Variants in GLI3 observed in about 807,000 individuals in gnomAD.
The protein encoded by GLI3 is transcription activator GLI3.
A neutral mutation model predicts 100.8 loss-of-function variants in GLI3; 20 were observed. That is an observed-to-expected ratio of 0.20 (90% CI 0.14 to 0.29). The LOEUF is 0.29. GLI3 is among the 10% of genes least tolerant of loss of function. The probability of loss-of-function intolerance (pLI) is 1.00; values close to 1 mark genes in which losing one functional copy is unlikely to be tolerated. For missense variants in GLI3, 2,040 were observed against 2,128.5 expected (o/e 0.96, Z 0.82); for synonymous variants, 938 against 860.5 (o/e 1.09, Z -1.58).
chr7:42,220,953 T>A (rs1182997166), intron 2 of GLI3, among the ~76,000 whole-genome samples: 1 of 152,096 alleles, frequency 6.6e-6, no homozygotes, highest in Non-Finnish European at 1.5e-5. Flanking sequence ...GTTTGACCAA[T>A]CAATGTCGGT....
In GLI3 at chr7:42,085,534, A is replaced by G. The variant is rs532217962; in HGVS notation, c.368-8677T>C. On this transcript the variant is annotated intron_variant, in intron 3 of 14. Transcript: ENST00000395925. ...GACAATCCTGAGAACTAAGAAGGGA[A>G]AATTTTATTATCCACTCAAAAAAGC... is the stretch of plus-strand genomic sequence containing the variant. Among the ~76,000 whole-genome samples the G allele has an allele frequency of 2.4e-3, 359 of 152,316 alleles. 1 individual carries two copies. The highest frequency in any genetic ancestry group is 8.3e-3 in the African/African-American group (345 of 41,574).
At chr7:42,068,321 TCTGCTCTGGTCTGC>T (rs1198310381) in intron 4 of GLI3, among the ~76,000 whole-genome samples, 1 of 152,238 alleles carries the variant, frequency 6.6e-6, no homozygotes, top group Non-Finnish European at 1.5e-5. Flanking sequence ...CATGCCCATT[TCTGCTCTGGTCTGC>T]CTTTTGCAAA....
chr7:41,968,738 AAGAAAGAAAG>A (rs1302012043), intron 13 of GLI3, among the ~76,000 whole-genome samples: 5 of 120,118 alleles, frequency 4.2e-5, no homozygotes, highest in African/African-American at 2.3e-4. Context: ...GAAAGAAAGA[AAGAAAGAAAG>A]AAAGAAAGAA....
intron 4 of GLI3, among the ~76,000 whole-genome samples, chr7:42,061,590 G>A (rs1411526801): frequency 1.3e-5 from 2 of 152,162 alleles, no homozygotes; most frequent in Non-Finnish European, 2.9e-5. Flanking sequence ...GAGCCCTTTT[G>A]AAGTGGCAGG....
chr7:41,976,732 G>A (rs975450443), intron 12 of GLI3, among the ~76,000 whole-genome samples: 6 of 152,198 alleles, frequency 3.9e-5, no homozygotes, highest in African/African-American at 1.4e-4. Flanking sequence ...CACTCAAAAT[G>A]TGGGGAGTCC....
chr7:42,159,477 T>C (rs555126137), intron 2 of GLI3, among the ~76,000 whole-genome samples: 1 of 152,146 alleles, frequency 6.6e-6, no homozygotes, highest in Non-Finnish European at 1.5e-5. Flanking sequence ...CATTCTCCCT[T>C]CCCAACTAAA....
At chr7:42,223,546 A>G (rs1255256297) in intron 1 of GLI3, among the ~76,000 whole-genome samples, 1 of 152,130 alleles carries the variant, frequency 6.6e-6, no homozygotes, top group East Asian at 1.9e-4. Context: ...CCAAATCCCT[A>G]CTGAGCGTTT....
rs542673278 is a variant in GLI3, at chr7:42,070,686, G to T, written c.473+6066C>A. 2.0e-5 allele frequency among the ~76,000 whole-genome samples: 3 copies of T among 152,230 alleles called. No individual in the cohort carries two copies. In the East Asian group the frequency reaches 5.8e-4, roughly 29 times the overall value. ...CTATAGTAAGTATTCAAAAATGTCAGCTATGGTCATGATTATATACTTTTT... is the reference window on the plus strand; with the variant it reads ...CTATAGTAAGTATTCAAAAATGTCATCTATGGTCATGATTATATACTTTTT... On this transcript the variant is annotated intron_variant, in intron 4 of 14. Coordinates refer to ENST00000395925, the MANE Select transcript of GLI3 (RefSeq NM_000168.6).
chr7:42,095,765 C>T (rs1021193284), intron 3 of GLI3, among the ~76,000 whole-genome samples: 1 of 152,150 alleles, frequency 6.6e-6, no homozygotes, highest in Non-Finnish European at 1.5e-5. Context: ...CACAGCCAGG[C>T]TCCTGGTAGA....
intron 4 of GLI3, among the ~76,000 whole-genome samples, chr7:42,058,255 G>A (rs1425288996): frequency 1.3e-5 from 2 of 152,126 alleles, no homozygotes; most frequent in African/African-American, 4.8e-5. Context: ...TCAGGTGGGT[G>A]GAGAGTATGG....
At chr7:42,060,535 A>G (rs904318545) in intron 4 of GLI3, among the ~76,000 whole-genome samples, 3 of 152,178 alleles carry the variant, frequency 2.0e-5, no homozygotes, top group African/African-American at 7.2e-5. Context: ...TTTTGTCTTT[A>G]GAGATAGAGA....
chr7:42,150,543 G>A (rs1170468987), intron 2 of GLI3, among the ~76,000 whole-genome samples: 1 of 152,140 alleles, frequency 6.6e-6, no homozygotes, highest in Non-Finnish European at 1.5e-5. Context: ...ACTTAAATCT[G>A]AAATGAACTT....
At chr7:42,156,907 C>T (rs1381225908) in intron 2 of GLI3, among the ~76,000 whole-genome samples, 3 of 152,212 alleles carry the variant, frequency 2.0e-5, no homozygotes, top group Non-Finnish European at 4.4e-5. Context: ...TAATGGGCTG[C>T]ATCTGGTGTG....
chr7:42,202,319 G>GTC (rs35402770), intron 2 of GLI3, among the ~76,000 whole-genome samples: 1,331 of 124,614 alleles, frequency 0.011, 17 homozygotes, highest in African/African-American at 0.036. Flanking sequence ...CATAGAATCT[G>GTC]TCTCTCTCTC....
rs749520162 is a variant in GLI3 at position 42,040,197 on chromosome 7, C to T, written c.869G>A (p.Arg290Gln). The T allele has an allele frequency of 8.1e-6, 13 of 1,613,878 alleles. No individual in the cohort carries two copies. Among genetic ancestry groups the T allele is most frequent in the South Asian group, 4.4e-5 (4 of 91,078 alleles). The part of the protein sequence containing the change: ...SSPRLSARPS[R>Q]KRTLSISPLS... ...TGGTGATATGGACAGTGTACGTTTT[C>T]GGCTCGGCCTGGCTGACAGCCTGGG... is the stretch of plus-strand genomic sequence containing the variant. The change falls in exon 7 of 15, where the codon CGA becomes CAA. Residue 290 changes from arginine (R) to glutamine (Q), a missense_variant. Physicochemically the swap from Arg to Gln is conservative, Grantham distance 43. Coordinates refer to ENST00000395925, the MANE Select transcript of GLI3 (RefSeq NM_000168.6).
chr7:42,197,015 T>C (rs1329234497), intron 2 of GLI3, among the ~76,000 whole-genome samples: 2 of 152,200 alleles, frequency 1.3e-5, no homozygotes, highest in Non-Finnish European at 2.9e-5. Context: ...TTTTATCCTC[T>C]GGATTTTACA....
chr7:42,246,803 A>G (rs1334510646), intron 1 of GLI3, among the ~76,000 whole-genome samples: 2 of 63,380 alleles, frequency 3.2e-5, no homozygotes, highest in Non-Finnish European at 6.2e-5. Context: ...GGATGATAGA[A>G]TCTTTTTTTT....
chr7:42,135,167 T>C (rs1213743112), intron 3 of GLI3, among the ~76,000 whole-genome samples: 1 of 152,176 alleles, frequency 6.6e-6, no homozygotes, highest in African/African-American at 2.4e-5. Flanking sequence ...AATTATAAAA[T>C]CTAGAACGCT....
In GLI3 at chr7:42,118,736, C is replaced by T. The variant is rs76767818; in HGVS notation, c.367+29490G>A. Among the ~76,000 whole-genome samples the T allele has an allele frequency of 9.6e-4, 146 of 152,270 alleles. 1 individual carries two copies. The East Asian group carries it at 0.024, about 25-fold the overall frequency. On this transcript the variant is annotated intron_variant, in intron 3 of 14. Transcript: ENST00000395925. The stretch of plus-strand genomic sequence containing the variant: ...GGGGGCCCAGTGGCCTTCTGATTTC[C>T]AAGTTTAAGTTCTCACCAGCTTAAC...
Sources: allele counts gnomAD v4.1 joint callset (sites outside exome capture counted in the v4.1 genomes callset), GRCh38; gene constraint gnomAD v4.1.1; transcripts MANE v1.5; gene names NCBI Gene and HGNC (gene_info 2026-07-23, HGNC 2026-07-21).